Variants in ADAMTS3 observed in about 807,000 individuals in gnomAD.
ADAMTS3 encodes the protein ADAM metallopeptidase with thrombospondin type 1 motif 3.
ADAMTS3 carries 73 observed loss-of-function variants against 129.0 expected under a neutral mutation model. That is an observed-to-expected ratio of 0.57 (90% CI 0.47 to 0.69). The LOEUF (loss-of-function observed/expected upper bound fraction) is 0.69, where lower values mean the gene tolerates loss of function less well. Ranked by LOEUF, ADAMTS3 falls within the 30% of genes least tolerant of loss-of-function variation. The pLI, the probability that ADAMTS3 is intolerant of heterozygous loss-of-function variation, is 0.00. For missense variants in ADAMTS3, 1,457 were observed against 1,514.5 expected (o/e 0.96, Z 0.63); for synonymous variants, 477 against 510.8 (o/e 0.93, Z 0.89).
At chr4:72,295,530 C>G in intron 19 of ADAMTS3, 124 bp downstream of exon 19, 1 of 988,776 alleles carries the variant, frequency 1.0e-6, no homozygotes, top group Non-Finnish European at 1.4e-6. Flanking sequence ...TGTGAAGTGA[C>G]TTGACTATTT....
intron 19 of ADAMTS3, among the ~76,000 whole-genome samples, chr4:72,295,009 T>G (rs964459205): frequency 1.3e-5 from 2 of 152,070 alleles, no homozygotes; most frequent in Non-Finnish European, 2.9e-5. Context: ...GACAGGATAC[T>G]TGGATGTTTA....
At chr4:72,511,662 G>A (rs907764315) in intron 3 of ADAMTS3, among the ~76,000 whole-genome samples, 3 of 152,164 alleles carry the variant, frequency 2.0e-5, no homozygotes, top group Non-Finnish European at 4.4e-5. Context: ...CACTGTTAAT[G>A]AGAATGTAAA....
At chr4:72,340,669 C>T (rs1298526692) in intron 4 of ADAMTS3, among the ~76,000 whole-genome samples, 1 of 152,018 alleles carries the variant, frequency 6.6e-6, no homozygotes. Context: ...CACACATATA[C>T]ATACAACATA....
intron 3 of ADAMTS3, among the ~76,000 whole-genome samples, chr4:72,443,485 T>C (rs1002515707): frequency 2.0e-5 from 3 of 151,724 alleles, no homozygotes; most frequent in African/African-American, 7.3e-5. Context: ...GTCACCTCTG[T>C]ATCTTATTCA....
chr4:72,395,581 T>G (rs192220775), intron 4 of ADAMTS3, among the ~76,000 whole-genome samples: 4 of 152,214 alleles, frequency 2.6e-5, no homozygotes, highest in Non-Finnish European at 5.9e-5. Flanking sequence ...TAAACATTTT[T>G]AGATTAATAA....
chr4:72,295,307 A>G (rs536505022), intron 19 of ADAMTS3, among the ~76,000 whole-genome samples: 1 of 152,062 alleles, frequency 6.6e-6, no homozygotes, highest in East Asian at 1.9e-4. Context: ...AGTGGTCATA[A>G]AATAATACAA....
chr4:72,568,529 A>C (rs1722080515), intron 1 of ADAMTS3, among the ~76,000 whole-genome samples, 165 bp downstream of exon 1: 1 of 152,056 alleles, frequency 6.6e-6, no homozygotes, highest in Non-Finnish European at 1.5e-5. Flanking sequence ...TACCCCCAAA[A>C]GCCCGCACGC....
intron 3 of ADAMTS3, among the ~76,000 whole-genome samples, chr4:72,530,800 A>ATTATACAT: frequency 1.9e-5 from 1 of 52,218 alleles, no homozygotes; most frequent in Non-Finnish European, 3.7e-5. Context: ...TATATATTAT[A>ATTATACAT]TATATTATAT....
At position 72,435,182 on chromosome 4, in the gene ADAMTS3, T is replaced by A. The variant is rs552674343; in HGVS notation, c.505-20211A>T. On this transcript the variant is annotated intron_variant, in intron 3 of 21. Transcript: ENST00000286657. ...ACTAAACAGACCTCAAAAAAGACAT[T>A]TGATTGCAGTATGAAAGCTGATATA... is the stretch of plus-strand genomic sequence containing the variant. 6.6e-5 allele frequency among the ~76,000 whole-genome samples: 10 copies of A among 151,850 alleles called. No individual in the cohort carries two copies. In the East Asian group the frequency reaches 2.0e-3, roughly 30 times the overall value.
In ADAMTS3 at chr4:72,568,887, A is replaced by T. The variant is rs1212393657; in HGVS notation, c.-125T>A. On this transcript the variant is annotated 5_prime_UTR_variant, in exon 1 of 22. Transcript: ENST00000286657. The stretch of plus-strand genomic sequence containing the variant: ...AGGGAAAAAATGCGAAATAGAAAAA[A>T]ATGATCTTCTGTGCTTTGCTTCAAT... The T allele has an allele frequency of 2.8e-6, 2 of 720,842 alleles. No individual in the cohort carries two copies. Among genetic ancestry groups the T allele is most frequent in the African/African-American group, 3.6e-5 (2 of 55,598 alleles). The allele number at this position is 720,842 out of a possible 1,614,324, so 44.7% of individuals were successfully genotyped here. A position where few individuals can be genotyped will look rare whatever the true frequency, so the allele number is the denominator to read the frequency against.
chr4:72,540,550 G>A (rs1721294086), intron 3 of ADAMTS3, among the ~76,000 whole-genome samples: 1 of 152,206 alleles, frequency 6.6e-6, no homozygotes, highest in Non-Finnish European at 1.5e-5. Flanking sequence ...TGGGGAAAAT[G>A]TCTCCAGGGC....
At position 72,463,821 on chromosome 4, in the gene ADAMTS3, A is replaced by G. The variant is rs768721501; in HGVS notation, c.505-48850T>C. 2.7e-3 allele frequency among the ~76,000 whole-genome samples: 407 copies of G among 151,966 alleles called. 1 individual carries two copies. The highest frequency in any genetic ancestry group is 9.1e-3 in the Admixed American group (139 of 15,220). ...TCCAGTTACAGGTGGCTAGCAGCAA[A>G]GAGTTCCACCCTGCCATTAACCAAA... On this transcript the variant is annotated intron_variant, in intron 3 of 21. Coordinates refer to ENST00000286657, the MANE Select transcript of ADAMTS3 (RefSeq NM_014243.3).
chr4:72,503,819 T>C (rs1030083825), intron 3 of ADAMTS3, among the ~76,000 whole-genome samples: 1 of 152,200 alleles, frequency 6.6e-6, no homozygotes, highest in Non-Finnish European at 1.5e-5. Flanking sequence ...TTAAGTCTTC[T>C]TGTTGAATTT....
At chr4:72,358,538 C>T (rs1261065748) in intron 4 of ADAMTS3, among the ~76,000 whole-genome samples, 1 of 151,892 alleles carries the variant, frequency 6.6e-6, no homozygotes, top group Non-Finnish European at 1.5e-5. Context: ...GATGGCTTTA[C>T]TCTGTGTGAT....
At chr4:72,530,628 T>G (rs184855083) in intron 3 of ADAMTS3, among the ~76,000 whole-genome samples, 1 of 83,622 alleles carries the variant, frequency 1.2e-5, no homozygotes, top group East Asian at 3.7e-4. Context: ...ATATATATTA[T>G]TATATAATAT....
intron 7 of ADAMTS3, 95 bp downstream of exon 7, chr4:72,320,619 G>A: frequency 7.7e-7 from 1 of 1,302,370 alleles, no homozygotes; most frequent in African/African-American, 1.5e-5. Flanking sequence ...GAAAGCAGTG[G>A]TGGAGAGCAG....
At chr4:72,319,649 A>G (rs1056438069) in intron 8 of ADAMTS3, among the ~76,000 whole-genome samples, 174 bp from the exon 9 acceptor site, 8 of 152,242 alleles carry the variant, frequency 5.3e-5, no homozygotes, top group African/African-American at 1.9e-4. Context: ...TTCTTATTCT[A>G]TAGCTCTGAA....
At chr4:72,400,059 CGTGT>C (rs1560501551) in intron 4 of ADAMTS3, among the ~76,000 whole-genome samples, 175 of 11,576 alleles carry the variant, frequency 0.015, 5 homozygotes, top group Non-Finnish European at 0.03. Context: ...TGTGTATATA[CGTGT>C]GTATATATGC....
intron 3 of ADAMTS3, among the ~76,000 whole-genome samples, chr4:72,439,708 G>A (rs1250276936): frequency 6.6e-6 from 1 of 151,618 alleles, no homozygotes. Flanking sequence ...TTCATTTCAA[G>A]CTCAAGACAT....
Sources: allele counts gnomAD v4.1 joint callset (sites outside exome capture counted in the v4.1 genomes callset), GRCh38; gene constraint gnomAD v4.1.1; transcripts MANE v1.5; gene names NCBI Gene and HGNC (gene_info 2026-07-23, HGNC 2026-07-21).